POU2AF2: variants seen among roughly 807,000 people sequenced by gnomAD.
POU2AF2 encodes the protein POU class 2 homeobox associating factor 2.
chr11:111,269,610 C>T, the POU2AF2 span, among the ~76,000 whole-genome samples: 4 of 152,008 alleles, frequency 2.6e-5, no homozygotes, highest in African/African-American at 7.3e-5. Context: ...AGCGGAACAG[C>T]CGTGGCAAGT....
the POU2AF2 span, among the ~76,000 whole-genome samples, chr11:111,273,436 T>C: frequency 6.6e-6 from 1 of 152,182 alleles, no homozygotes; most frequent in African/African-American, 2.4e-5. Context: ...ATAGAAATGA[T>C]GACAATGAAA....
At chr11:111,284,196 C>T in the POU2AF2 span, 1 of 1,614,224 alleles carries the variant, frequency 6.2e-7, no homozygotes, top group Non-Finnish European at 8.5e-7. Context: ...AAGCCGTTTC[C>T]CTGTGAGTCC....
the POU2AF2 span, among the ~76,000 whole-genome samples, chr11:111,248,666 T>C: frequency 6.6e-6 from 1 of 152,226 alleles, no homozygotes; most frequent in Non-Finnish European, 1.5e-5. Context: ...TTTCTTTTTC[T>C]TTGTTTGAAC....
the POU2AF2 span, among the ~76,000 whole-genome samples, chr11:111,279,840 G>A: frequency 4.0e-5 from 6 of 151,586 alleles, no homozygotes; most frequent in African/African-American, 1.5e-4. Flanking sequence ...TCAGGAGTTC[G>A]AGACCAGCCT....
the POU2AF2 span, chr11:111,285,632 T>C: frequency 6.3e-7 from 1 of 1,598,784 alleles, no homozygotes; most frequent in South Asian, 1.1e-5. Flanking sequence ...ATAACCTCCG[T>C]GGCCTTTCCA....
the POU2AF2 span, among the ~76,000 whole-genome samples, chr11:111,278,550 C>T: frequency 8.5e-6 from 1 of 118,250 alleles, no homozygotes; most frequent in African/African-American, 3.4e-5. Flanking sequence ...GATGATCTCT[C>T]TCTCTGTCTC....
At chr11:111,251,433 A>T in the POU2AF2 span, among the ~76,000 whole-genome samples, 1 of 152,208 alleles carries the variant, frequency 6.6e-6, no homozygotes, top group Non-Finnish European at 1.5e-5. Flanking sequence ...TGTCTACTAG[A>T]CATCCAATCA....
the POU2AF2 span, among the ~76,000 whole-genome samples, chr11:111,264,113 C>T: frequency 3.3e-5 from 5 of 152,184 alleles, no homozygotes; most frequent in African/African-American, 1.2e-4. Flanking sequence ...TGGCTTTGCT[C>T]CAAGTGCCAA....
At chr11:111,283,176 C>G in the POU2AF2 span, among the ~76,000 whole-genome samples, 1 of 150,108 alleles carries the variant, frequency 6.7e-6, no homozygotes, top group Admixed American at 6.7e-5. Context: ...GTAACTGGGA[C>G]TACAGCAGCT....
chr11:111,259,160 G>C, the POU2AF2 span, among the ~76,000 whole-genome samples: 4 of 152,084 alleles, frequency 2.6e-5, no homozygotes, highest in Non-Finnish European at 5.9e-5. Context: ...TTTCTCATGT[G>C]TTGTTTCATT....
At chr11:111,265,019 C>A in the POU2AF2 span, among the ~76,000 whole-genome samples, 227 of 152,020 alleles carry the variant, frequency 1.5e-3, no homozygotes, top group African/African-American at 5.3e-3. Context: ...TGGAGGAAAG[C>A]ATGCCACGAG....
At chr11:111,261,789 A>T in the POU2AF2 span, among the ~76,000 whole-genome samples, 5 of 152,364 alleles carry the variant, frequency 3.3e-5, no homozygotes, top group Middle Eastern at 3.4e-3. Context: ...GTAAGAAAAT[A>T]GACATGAAAA....
At chr11:111,246,919 T>C in the POU2AF2 span, among the ~76,000 whole-genome samples, 1 of 152,318 alleles carries the variant, frequency 6.6e-6, no homozygotes, top group Admixed American at 6.5e-5. Flanking sequence ...TAGAGTTTCA[T>C]CCTACACACT....
At chr11:111,275,799 A>T in the POU2AF2 span, among the ~76,000 whole-genome samples, 1 of 152,240 alleles carries the variant, frequency 6.6e-6, no homozygotes, top group African/African-American at 2.4e-5. Flanking sequence ...TTTACCAAAT[A>T]GATTCTAAAA....
chr11:111,284,502 C>CT, the POU2AF2 span: 1,264 of 1,181,464 alleles, frequency 1.1e-3, 3 homozygotes, highest in Non-Finnish European at 1.3e-3. Flanking sequence ...CCAGAGGCTG[C>CT]TTTGCAGCTG....
chr11:111,264,542 AAG>A, the POU2AF2 span, among the ~76,000 whole-genome samples: 5 of 68,918 alleles, frequency 7.3e-5, no homozygotes, highest in Admixed American at 9.3e-4. Context: ...GAAAGAAAGA[AAG>A]AAAGAAAGAA....
chr11:111,279,236 A>G, the POU2AF2 span, among the ~76,000 whole-genome samples: 1 of 152,188 alleles, frequency 6.6e-6, no homozygotes, highest in East Asian at 1.9e-4. Context: ...ACACCAGTTT[A>G]GGTGCCCGCA....
the POU2AF2 span, among the ~76,000 whole-genome samples, chr11:111,280,990 G>A: frequency 6.6e-6 from 1 of 152,320 alleles, no homozygotes; most frequent in African/African-American, 2.4e-5. Flanking sequence ...ATGGCAATCA[G>A]GTGTGGTGCT....
chr11:111,246,462 C>G, the POU2AF2 span, among the ~76,000 whole-genome samples: 4 of 152,110 alleles, frequency 2.6e-5, no homozygotes, highest in Admixed American at 1.3e-4. Flanking sequence ...CCCACCTGTT[C>G]GCGAACAAAT....
Sources: allele counts gnomAD v4.1 joint callset (sites outside exome capture counted in the v4.1 genomes callset), GRCh38; gene constraint gnomAD v4.1.1; transcripts MANE v1.5; gene names NCBI Gene and HGNC (gene_info 2026-07-23, HGNC 2026-07-21).